BCKDHB: variants seen among roughly 807,000 people sequenced by gnomAD.
BCKDHB encodes the protein 2-oxoisovalerate dehydrogenase subunit beta, mitochondrial.
In BCKDHB, 41 loss-of-function variants were observed where a neutral mutation model predicts 48.5. The ratio of observed to expected loss-of-function variants is 0.85; its 90% CI spans 0.66 to 1.10. The LOEUF is 1.10. Among genes scored for constraint, BCKDHB ranks in the 50% least tolerant of loss-of-function variants. The pLI is 0.00. For synonymous variants in BCKDHB, 201 were observed against 174.8 expected (o/e 1.15, Z -1.18); for missense variants, 496 against 494.2 (o/e 1.00, Z -0.03).
chr6:80,391,880 T>G, the BCKDHB span, among the ~76,000 whole-genome samples: 1 of 152,218 alleles, frequency 6.6e-6, no homozygotes, highest in Non-Finnish European at 1.5e-5. Flanking sequence ...GAACATACAT[T>G]TTCTTCCTGA....
chr6:80,457,454 G>A, the BCKDHB span, among the ~76,000 whole-genome samples: 1 of 152,144 alleles, frequency 6.6e-6, no homozygotes, highest in Non-Finnish European at 1.5e-5. Flanking sequence ...GAGTGTGTGA[G>A]CTCTGGCAGT....
At chr6:80,249,744 G>A (rs1776758854) in intron 8 of BCKDHB, among the ~76,000 whole-genome samples, 1 of 152,056 alleles carries the variant, frequency 6.6e-6, no homozygotes, top group African/African-American at 2.4e-5. Context: ...AAGAGCTAGT[G>A]CTTAATATTT....
chr6:80,239,242 C>G (rs1776277562), intron 8 of BCKDHB, among the ~76,000 whole-genome samples: 1 of 152,174 alleles, frequency 6.6e-6, no homozygotes. Context: ...TCCTATTTCT[C>G]CACATCCTCT....
At chr6:80,284,053 G>T (rs1766509496) in intron 9 of BCKDHB, among the ~76,000 whole-genome samples, 1 of 152,044 alleles carries the variant, frequency 6.6e-6, no homozygotes, top group Non-Finnish European at 1.5e-5. Flanking sequence ...ATTTTGTCAT[G>T]CCCTTTGTAG....
At chr6:80,374,454 A>C in the BCKDHB span, 1 of 757,288 alleles carries the variant, frequency 1.3e-6, no homozygotes, top group Admixed American at 1.7e-5. Flanking sequence ...TCATATATGC[A>C]TACCCTTGAT....
chr6:80,300,811 C>T (rs1767540476), intron 9 of BCKDHB, among the ~76,000 whole-genome samples: 1 of 152,156 alleles, frequency 6.6e-6, no homozygotes, highest in African/African-American at 2.4e-5. Context: ...CAAGCATATT[C>T]TCAGACCACA....
chr6:80,157,459 A>ATT (rs36063034), intron 3 of BCKDHB, among the ~76,000 whole-genome samples: 27,843 of 96,604 alleles, frequency 0.29, 5,015 homozygotes, highest in East Asian at 0.45. Flanking sequence ...TTGGGTGAGA[A>ATT]TTTTTTTTTT....
the BCKDHB span, among the ~76,000 whole-genome samples, chr6:80,438,945 T>G: frequency 2.5e-4 from 38 of 152,184 alleles, 2 homozygotes; most frequent in South Asian, 7.9e-3. Context: ...CAGAGACAGA[T>G]TCCATCTGAA....
chr6:80,299,464 G>A (rs577674015), intron 9 of BCKDHB, among the ~76,000 whole-genome samples: 2 of 152,246 alleles, frequency 1.3e-5, no homozygotes, highest in South Asian at 4.1e-4. Flanking sequence ...ACTGGAAGGG[G>A]GTCCCAATCC....
intron 1 of BCKDHB, among the ~76,000 whole-genome samples, chr6:80,119,540 C>T (rs1050168679): frequency 6.6e-6 from 1 of 152,086 alleles, no homozygotes; most frequent in Non-Finnish European, 1.5e-5. Flanking sequence ...AGGCTGGTCT[C>T]GAACTCCTGG....
chr6:80,182,558 A>G (rs1018224392), intron 6 of BCKDHB, among the ~76,000 whole-genome samples: 3 of 152,208 alleles, frequency 2.0e-5, no homozygotes, highest in African/African-American at 7.2e-5. Context: ...AAGTTCCAGC[A>G]TCACAGAACT....
At chr6:80,175,938 G>T (rs905000385) in intron 6 of BCKDHB, among the ~76,000 whole-genome samples, 1 of 152,178 alleles carries the variant, frequency 6.6e-6, no homozygotes, top group Non-Finnish European at 1.5e-5. Context: ...TGGAAATAAA[G>T]TAGGGGGGAA....
chr6:80,323,094 C>T lies in BCKDHB; in HGVS notation c.1039-20570C>T, dbSNP rs1443279130. Among the ~76,000 whole-genome samples the T allele has an allele frequency of 3.9e-5, 6 of 152,226 alleles. No homozygotes were observed. The East Asian group carries it at 1.2e-3, about 29-fold the overall frequency. On this transcript the variant is annotated intron_variant, in intron 9 of 9. Transcript: ENST00000320393. ...ATAACTGGACTAGTCACTTACCTTT[C>T]TGAACCTCAGTTTCCTCATCTCTGA...
At chr6:80,151,493 G>A (rs1282103954) in intron 3 of BCKDHB, among the ~76,000 whole-genome samples, 3 of 151,514 alleles carry the variant, frequency 2.0e-5, no homozygotes, top group Admixed American at 6.6e-5. Context: ...TTGCATTTGG[G>A]ACCGCCTGTA....
the BCKDHB span, among the ~76,000 whole-genome samples, chr6:80,375,843 C>T: frequency 6.6e-6 from 1 of 152,142 alleles, no homozygotes; most frequent in Non-Finnish European, 1.5e-5. Context: ...CCATGGGGAG[C>T]TTGCTTGATG....
At chr6:80,350,397 T>C (rs1464477339), downstream of BCKDHB, among the ~76,000 whole-genome samples, 2 of 152,076 alleles carry the variant, frequency 1.3e-5, no homozygotes, top group East Asian at 1.9e-4. Flanking sequence ...AGTGGGTTTT[T>C]TTTTTCCATT....
intron 8 of BCKDHB, among the ~76,000 whole-genome samples, chr6:80,223,207 A>T (rs183846436): frequency 2.0e-5 from 3 of 152,296 alleles, no homozygotes; most frequent in Admixed American, 1.3e-4. Flanking sequence ...TTGTGAAGAG[A>T]TTAATTTCTG....
the BCKDHB span, among the ~76,000 whole-genome samples, chr6:80,412,145 C>CT: frequency 2.6e-4 from 24 of 92,810 alleles, no homozygotes; most frequent in South Asian, 4.1e-4. Context: ...TCACAGTTTA[C>CT]ATTTTTTTTT....
chr6:80,197,609 T>C (rs1025687286), intron 6 of BCKDHB, among the ~76,000 whole-genome samples: 10 of 152,152 alleles, frequency 6.6e-5, no homozygotes, highest in Non-Finnish European at 1.3e-4. Context: ...AGGGATTTGC[T>C]AATCACCAGC....
Sources: gnomAD v4.1 joint callset for allele counts (sites outside exome capture counted in the v4.1 genomes callset) on GRCh38, gnomAD v4.1.1 for gene constraint, MANE v1.5 for transcripts, NCBI Gene and HGNC (gene_info 2026-07-23, HGNC 2026-07-21) for gene names.